SNCAIP: variants seen among roughly 807,000 people sequenced by gnomAD.
The protein encoded by SNCAIP is synuclein alpha interacting protein.
SNCAIP carries 43 observed loss-of-function variants against 86.7 expected under a neutral mutation model. That is an observed-to-expected ratio of 0.50 (90% CI 0.39 to 0.64). The LOEUF (loss-of-function observed/expected upper bound fraction) is 0.64, where lower values mean the gene tolerates loss of function less well. Among genes scored for constraint, SNCAIP ranks in the 30% least tolerant of loss-of-function variants. SNCAIP has a pLI of 0.00. For synonymous variants in SNCAIP, 417 were observed against 427.2 expected, an observed-to-expected ratio of 0.98 and a Z score of 0.29; for missense variants, 981 against 1,103.1, an observed-to-expected ratio of 0.89 and a Z score of 1.57.
intron 7 of SNCAIP, 55 bp downstream of exon 7, chr5:122,440,809 A>T: frequency 6.6e-7 from 1 of 1,514,916 alleles, no homozygotes; most frequent in Non-Finnish European, 9.2e-7. Context: ...ATATTAAACA[A>T]AACATTAAAA....
intron 9 of SNCAIP, 23 bp downstream of exon 9, chr5:122,449,960 T>C: frequency 6.6e-7 from 1 of 1,505,148 alleles, no homozygotes; most frequent in Non-Finnish European, 9.3e-7. Flanking sequence ...CATTGTTGTT[T>C]AGCATTCTTA....
intron 10 of SNCAIP, among the ~76,000 whole-genome samples, chr5:122,456,599 T>G (rs1443131085): frequency 6.6e-6 from 1 of 152,166 alleles, no homozygotes; most frequent in Non-Finnish European, 1.5e-5. Flanking sequence ...CTAAAAAGCA[T>G]TTCCAGAATC....
intron 1 of SNCAIP, among the ~76,000 whole-genome samples, chr5:122,332,982 A>G (rs940118511): frequency 1.3e-5 from 2 of 152,204 alleles, no homozygotes; most frequent in East Asian, 1.9e-4. Context: ...TTCCAAAGCT[A>G]TTTGGTTGAG....
At chr5:122,341,656 T>C (rs1186512061) in intron 1 of SNCAIP, among the ~76,000 whole-genome samples, 2 of 152,188 alleles carry the variant, frequency 1.3e-5, no homozygotes, top group East Asian at 3.9e-4. Flanking sequence ...CAGTATGATT[T>C]TCCATGCCGC....
chr5:122,330,168 C>A (rs965064359), intron 1 of SNCAIP, among the ~76,000 whole-genome samples: 9 of 130,134 alleles, frequency 6.9e-5, no homozygotes, highest in African/African-American at 2.6e-4. Flanking sequence ...GTCGCCCAGG[C>A]TGGAGTGCAG....
chr5:122,425,564 A>G (rs766630054), intron 5 of SNCAIP, 33 bp downstream of exon 5: 4 of 1,570,566 alleles, frequency 2.5e-6, no homozygotes, highest in South Asian at 2.2e-5. Context: ...CTCCACAGCT[A>G]GAAGCTGGAT....
chr5:122,438,890 C>T (rs991163274), intron 6 of SNCAIP, among the ~76,000 whole-genome samples: 12 of 152,194 alleles, frequency 7.9e-5, no homozygotes, highest in Admixed American at 4.6e-4. Context: ...AGAATTTGTT[C>T]TGCCTATGGT....
intron 1 of SNCAIP, among the ~76,000 whole-genome samples, chr5:122,357,909 T>A (rs1761371572): frequency 6.6e-6 from 1 of 152,144 alleles, no homozygotes; most frequent in African/African-American, 2.4e-5. Flanking sequence ...TGGACAATGC[T>A]GTATTAAAAT....
intron 1 of SNCAIP, among the ~76,000 whole-genome samples, chr5:122,377,335 T>C (rs1000743069): frequency 7.9e-5 from 12 of 152,190 alleles, no homozygotes; most frequent in African/African-American, 2.7e-4. Flanking sequence ...TGTATGTGTA[T>C]ACATTTGTGT....
At chr5:122,373,821 C>G (rs1296799542) in intron 1 of SNCAIP, among the ~76,000 whole-genome samples, 4 of 152,220 alleles carry the variant, frequency 2.6e-5, no homozygotes. Context: ...TGCTTTACCA[C>G]TGGAAGCTTT....
chr5:122,370,821 G>A (rs1156452683), intron 1 of SNCAIP, among the ~76,000 whole-genome samples: 1 of 151,996 alleles, frequency 6.6e-6, no homozygotes, highest in Non-Finnish European at 1.5e-5. Flanking sequence ...TGCAAAATAT[G>A]TTTTTCTAAT....
At chr5:122,331,694 G>A (rs1755376652) in intron 1 of SNCAIP, among the ~76,000 whole-genome samples, 1 of 152,156 alleles carries the variant, frequency 6.6e-6, no homozygotes, top group Non-Finnish European at 1.5e-5. Flanking sequence ...GTCCTCACAT[G>A]GTGGAAGGGG....
chr5:122,434,048 T>C (rs1778920923), intron 6 of SNCAIP, among the ~76,000 whole-genome samples: 2 of 152,314 alleles, frequency 1.3e-5, no homozygotes, highest in African/African-American at 2.4e-5. Context: ...CATAACCCCA[T>C]TGTAAGTCAA....
At chr5:122,364,015 A>C (rs1413998968) in intron 1 of SNCAIP, among the ~76,000 whole-genome samples, 2 of 151,936 alleles carry the variant, frequency 1.3e-5, no homozygotes, top group East Asian at 3.9e-4. Context: ...TATGTGTGTG[A>C]AGATGAGGTC....
intron 5 of SNCAIP, among the ~76,000 whole-genome samples, chr5:122,426,018 A>T (rs1777308192): frequency 6.6e-6 from 1 of 152,250 alleles, no homozygotes; most frequent in Admixed American, 6.5e-5. Flanking sequence ...GTTTGAGTTT[A>T]GCTCTTGCAG....
At chr5:122,365,330 A>C (rs772585905) in intron 1 of SNCAIP, among the ~76,000 whole-genome samples, 29 of 152,328 alleles carry the variant, frequency 1.9e-4, no homozygotes, top group African/African-American at 6.7e-4. Flanking sequence ...CTATAGTACC[A>C]GTGCAAAAAA....
intron 3 of SNCAIP, among the ~76,000 whole-genome samples, chr5:122,405,358 T>C (rs530857872): frequency 6.6e-6 from 1 of 152,322 alleles, no homozygotes; most frequent in South Asian, 2.1e-4. Context: ...TAATTGGATG[T>C]AGGGAATAAG....
intron 10 of SNCAIP, among the ~76,000 whole-genome samples, chr5:122,452,616 T>A (rs1328344438): frequency 6.6e-6 from 1 of 152,238 alleles, no homozygotes; most frequent in Non-Finnish European, 1.5e-5. Flanking sequence ...ATTGTCCTTG[T>A]TATAGAAGAC....
intron 1 of SNCAIP, among the ~76,000 whole-genome samples, chr5:122,361,607 T>C (rs2152767994): frequency 6.6e-6 from 1 of 152,286 alleles, no homozygotes; most frequent in East Asian, 1.9e-4. Flanking sequence ...TGATTTTACA[T>C]CCCTATGTAA....
Sources: allele counts gnomAD v4.1 joint callset (sites outside exome capture counted in the v4.1 genomes callset), GRCh38; gene constraint gnomAD v4.1.1; transcripts MANE v1.5; gene names NCBI Gene and HGNC (gene_info 2026-07-23, HGNC 2026-07-21).